SLC16A12: variants seen among roughly 807,000 people sequenced by gnomAD.
SLC16A12 encodes the protein monocarboxylate transporter 12.
In SLC16A12, 17 loss-of-function variants were observed where a neutral mutation model predicts 42.4. The observed-to-expected ratio is 0.40, with a 90% CI of 0.27 to 0.60. The LOEUF is 0.60. SLC16A12 is among the 20% of genes least tolerant of loss of function. The pLI, the probability that SLC16A12 is intolerant of heterozygous loss-of-function variation, is 0.42. For missense variants in SLC16A12, 544 were observed against 623.0 expected (o/e 0.87, Z 1.35); for synonymous variants, 224 against 229.4 (o/e 0.98, Z 0.21).
chr10:89,441,148 C>A lies in SLC16A12; in HGVS notation c.408G>T (p.Thr136=). 1 of 1,613,908 alleles carries A rather than the reference C, an allele frequency of 6.2e-7. No homozygotes were observed. The highest frequency in any genetic ancestry group is 1.1e-5 in the South Asian group (1 of 91,068). Residue 136 remains threonine, a synonymous_variant, in exon 5 of 8, where the codon ACG becomes ACT. Coordinates refer to ENST00000371790, the MANE Select transcript of SLC16A12 (RefSeq NM_213606.4). ...GAGTGAGGTAGAGATGCTTCAGACT[C>A]GTGGCAAATGAGCTCAGGATGAGTC... is the stretch of plus-strand genomic sequence containing the variant. The part of the protein sequence containing the change: ...STGLILSSFA[T]SLKHLYLTLG...
intron 2 of SLC16A12, among the ~76,000 whole-genome samples, chr10:89,498,584 C>G (rs1027863820): frequency 1.3e-5 from 2 of 152,100 alleles, no homozygotes; most frequent in African/African-American, 2.4e-5. Context: ...CAGTCATGAT[C>G]AGAGAGTTTT....
chr10:89,495,760 C>T (rs1842913980), intron 2 of SLC16A12, among the ~76,000 whole-genome samples: 1 of 152,166 alleles, frequency 6.6e-6, no homozygotes, highest in Non-Finnish European at 1.5e-5. Flanking sequence ...CAGTTGTTTA[C>T]CATCATGATC....
Position 89,462,542 on chromosome 10 carries a change from T to G in SLC16A12, c.37A>C (p.Lys13Gln). Residue 13 changes from lysine to glutamine, a missense_variant, in exon 3 of 8, where the codon AAG becomes CAG. Coordinates refer to ENST00000371790, the MANE Select transcript of SLC16A12 (RefSeq NM_213606.4). ...TGCTCCAACAGCCAAGTTATGATCT[T>G]GGAAGAGTTTGCTGTCCAGTGACTT... Reference protein sequence around the residue: ...SGSHWTANSSKIITWLLEQPG... With the variant: ...SGSHWTANSSQIITWLLEQPG... The G allele has an allele frequency of 6.2e-7, 1 of 1,612,438 alleles. No individual in the cohort carries two copies. The highest frequency in any genetic ancestry group is 8.5e-7 in the Non-Finnish European group (1 of 1,179,748).
intron 7 of SLC16A12, among the ~76,000 whole-genome samples, chr10:89,433,859 T>C (rs574710794): frequency 2.0e-5 from 3 of 152,320 alleles, no homozygotes; most frequent in African/African-American, 7.2e-5. Flanking sequence ...AAACTAGCTT[T>C]TTTTTCTTTA....
At chr10:89,524,394 C>T (rs1355251422) in intron 2 of SLC16A12, among the ~76,000 whole-genome samples, 3 of 152,216 alleles carry the variant, frequency 2.0e-5, no homozygotes, top group African/African-American at 2.4e-5. Flanking sequence ...CTCTAGCCTT[C>T]TCCAGACCCC....
At chr10:89,546,888 A>G (rs1165207979) in intron 2 of SLC16A12, among the ~76,000 whole-genome samples, 2 of 152,234 alleles carry the variant, frequency 1.3e-5, no homozygotes, top group South Asian at 2.1e-4. Flanking sequence ...TTGCAGGGAC[A>G]TGGATAAAGC....
chr10:89,546,748 G>A (rs1398200305), intron 2 of SLC16A12, among the ~76,000 whole-genome samples: 1 of 152,124 alleles, frequency 6.6e-6, no homozygotes, highest in Non-Finnish European at 1.5e-5. Context: ...GTTTATTGCA[G>A]CACTATTTAC....
At chr10:89,462,229 A>G in intron 3 of SLC16A12, 150 bp downstream of exon 3, 1 of 1,072,920 alleles carries the variant, frequency 9.3e-7, no homozygotes, top group Non-Finnish European at 1.3e-6. Context: ...TGCAAAGAAA[A>G]TGATACCTGA....
At chr10:89,498,586 G>C (rs938169200) in intron 2 of SLC16A12, among the ~76,000 whole-genome samples, 10 of 152,182 alleles carry the variant, frequency 6.6e-5, no homozygotes, top group African/African-American at 2.2e-4. Flanking sequence ...GTCATGATCA[G>C]AGAGTTTTTG....
chr10:89,532,827 G>GAC (rs1843577792), intron 2 of SLC16A12, among the ~76,000 whole-genome samples: 1 of 152,184 alleles, frequency 6.6e-6, no homozygotes, highest in African/African-American at 2.4e-5. Flanking sequence ...TGAATATGGA[G>GAC]GAAAGTGGGG....
intron 2 of SLC16A12, among the ~76,000 whole-genome samples, chr10:89,529,362 G>GA (rs1034925294): frequency 3.3e-5 from 5 of 151,520 alleles, no homozygotes; most frequent in Admixed American, 6.6e-5. Context: ...GGAATATTTT[G>GA]AAAAAAACAT....
rs1451272267 is a variant in SLC16A12, at chr10:89,443,444, C to A, written c.304+312G>T. 2.6e-5 allele frequency among the ~76,000 whole-genome samples: 4 copies of A among 152,160 alleles called. No individual in the cohort carries two copies. In the South Asian group the frequency reaches 8.3e-4, roughly 31 times the overall value. On this transcript the variant is annotated intron_variant, in intron 4 of 7. Coordinates refer to ENST00000371790, the MANE Select transcript of SLC16A12 (RefSeq NM_213606.4). ...GCCAAGCATATACTATAAATTGCTT[C>A]CAAAATCAGGACGTGTTCTAGAATG... is the stretch of plus-strand genomic sequence containing the variant.
At chr10:89,481,675 G>T (rs1368033302) in intron 2 of SLC16A12, among the ~76,000 whole-genome samples, 1 of 149,070 alleles carries the variant, frequency 6.7e-6, no homozygotes, top group Non-Finnish European at 1.5e-5. Context: ...GAGAGAGAGA[G>T]AGAGTGTGTG....
intron 2 of SLC16A12, among the ~76,000 whole-genome samples, chr10:89,463,657 A>G (rs992870870): frequency 6.6e-6 from 1 of 152,262 alleles, no homozygotes; most frequent in Non-Finnish European, 1.5e-5. Context: ...TTTCTGTATT[A>G]AAACATGTGA....
intron 2 of SLC16A12, among the ~76,000 whole-genome samples, chr10:89,495,471 AC>A (rs1842910465): frequency 6.6e-6 from 1 of 152,162 alleles, no homozygotes; most frequent in African/African-American, 2.4e-5. Flanking sequence ...AAAGGTATTA[AC>A]CCTTGGGAGT....
intron 2 of SLC16A12, among the ~76,000 whole-genome samples, chr10:89,472,880 C>T (rs1257750560): frequency 6.6e-6 from 1 of 151,974 alleles, no homozygotes; most frequent in East Asian, 1.9e-4. Context: ...TGCAGTGGCG[C>T]TATCATGGCT....
chr10:89,441,405 T>A (rs1293982861), intron 4 of SLC16A12, among the ~76,000 whole-genome samples, 154 bp from the exon 5 acceptor site: 1 of 152,126 alleles, frequency 6.6e-6, no homozygotes, highest in East Asian at 1.9e-4. Context: ...AGAAAGGAAG[T>A]GATTGTCCAT....
In SLC16A12 at chr10:89,440,423, T is replaced by A. The variant is rs139069589; in HGVS notation, c.448+685A>T. 2.0e-5 allele frequency among the ~76,000 whole-genome samples: 3 copies of A among 152,320 alleles called. No individual in the cohort carries two copies. In the East Asian group the frequency reaches 5.8e-4, roughly 29 times the overall value. ...CCAAATTTATAGCCTCACTATGAGG[T>A]TACGTCCTTTATTGACCTTATTCAC... On this transcript the variant is annotated intron_variant, in intron 5 of 7. Transcript: ENST00000371790.
intron 2 of SLC16A12, among the ~76,000 whole-genome samples, chr10:89,546,670 A>G (rs553302590): frequency 3.9e-5 from 6 of 152,330 alleles, no homozygotes; most frequent in African/African-American, 1.4e-4. Context: ...TGACCCAGCA[A>G]TCCCATTACT....
Sources: allele counts gnomAD v4.1 joint callset (sites outside exome capture counted in the v4.1 genomes callset), GRCh38; gene constraint gnomAD v4.1.1; transcripts MANE v1.5; gene names NCBI Gene and HGNC (gene_info 2026-07-23, HGNC 2026-07-21).